MAP4K4: variants seen among roughly 807,000 people sequenced by gnomAD.
The protein encoded by MAP4K4 is HPK/GCK-like kinase HGK.
A neutral mutation model predicts 189.6 loss-of-function variants in MAP4K4; 38 were observed. That is an observed-to-expected ratio of 0.20 (90% confidence interval 0.15 to 0.26). The LOEUF (loss-of-function observed/expected upper bound fraction) is 0.26, where lower values mean the gene tolerates loss of function less well. Ranked by LOEUF, MAP4K4 falls within the 10% of genes least tolerant of loss-of-function variation. MAP4K4 has a pLI of 1.00. For synonymous variants in MAP4K4, 610 were observed against 624.3 expected (o/e 0.98, Z 0.34); for missense variants, 1,054 against 1,726.9 (o/e 0.61, Z 6.91).
chr2:101,792,365 ACCTGTGCTGCCTCCCCT>A (rs2093020992), intron 3 of MAP4K4, among the ~76,000 whole-genome samples: 1 of 152,084 alleles, frequency 6.6e-6, no homozygotes, highest in South Asian at 2.1e-4. Context: ...GTGTCATTCA[ACCTGTGCTGCCTCCCCT>A]GACACAGCTG....
At chr2:101,719,889 G>A (rs2050713711) in intron 2 of MAP4K4, among the ~76,000 whole-genome samples, 1 of 152,002 alleles carries the variant, frequency 6.6e-6, no homozygotes, top group African/African-American at 2.4e-5. Context: ...GCGGGCGCCT[G>A]TAGTCCCAGC....
At chr2:101,703,137 G>A (rs755118700) in intron 2 of MAP4K4, among the ~76,000 whole-genome samples, 10 of 152,150 alleles carry the variant, frequency 6.6e-5, no homozygotes, top group Non-Finnish European at 1.3e-4. Flanking sequence ...GTGTTGGGAA[G>A]GAGCTGGTAA....
chr2:101,794,522 C>T (rs1378634404), intron 3 of MAP4K4, among the ~76,000 whole-genome samples: 1 of 152,174 alleles, frequency 6.6e-6, no homozygotes, highest in Non-Finnish European at 1.5e-5. Flanking sequence ...TTATATTCAA[C>T]ATTTGTTAAC....
intron 2 of MAP4K4, among the ~76,000 whole-genome samples, chr2:101,770,649 G>A (rs1425601083): frequency 1.3e-5 from 2 of 152,164 alleles, no homozygotes; most frequent in Non-Finnish European, 2.9e-5. Flanking sequence ...AATATGACTG[G>A]CAATGGCTTG....
At chr2:101,875,288 A>T (rs916055401) in intron 26 of MAP4K4, among the ~76,000 whole-genome samples, 7 of 152,230 alleles carry the variant, frequency 4.6e-5, no homozygotes, top group African/African-American at 1.7e-4. Context: ...CCTCAAGAAT[A>T]AAATTATATG....
chr2:101,699,328 A>T (rs889815450), intron 2 of MAP4K4, among the ~76,000 whole-genome samples: 1 of 152,224 alleles, frequency 6.6e-6, no homozygotes, highest in African/African-American at 2.4e-5. Context: ...TGCGCTGAGT[A>T]GCTGACACCT....
At chr2:101,877,399 C>A (rs1378001972) in intron 27 of MAP4K4, among the ~76,000 whole-genome samples, 1 of 152,090 alleles carries the variant, frequency 6.6e-6, no homozygotes, top group Non-Finnish European at 1.5e-5. Flanking sequence ...CTCTCACTGC[C>A]CTCTCTGCCC....
intron 3 of MAP4K4, among the ~76,000 whole-genome samples, chr2:101,819,922 C>T (rs1344827320): frequency 6.6e-6 from 1 of 152,202 alleles, no homozygotes; most frequent in Non-Finnish European, 1.5e-5. Flanking sequence ...CAGTGAAATA[C>T]ATGGTGCCAT....
At chr2:101,828,674 T>C (rs1467549451) in intron 5 of MAP4K4, among the ~76,000 whole-genome samples, 1 of 152,244 alleles carries the variant, frequency 6.6e-6, no homozygotes, top group African/African-American at 2.4e-5. Context: ...CCCTTACTTA[T>C]AATCTGCCCT....
At chr2:101,750,664 A>AT (rs1038624231) in intron 2 of MAP4K4, among the ~76,000 whole-genome samples, 20 of 145,406 alleles carry the variant, frequency 1.4e-4, no homozygotes, top group African/African-American at 3.5e-4. Flanking sequence ...GTATATATAT[A>AT]AAAAAAAAAA....
intron 5 of MAP4K4, 29 bp from the exon 6 acceptor site, chr2:101,829,475 T>C: frequency 6.6e-7 from 1 of 1,524,410 alleles, no homozygotes; most frequent in Middle Eastern, 1.7e-4. Flanking sequence ...CACAGAAAAC[T>C]AAAATTCAGG....
intron 3 of MAP4K4, among the ~76,000 whole-genome samples, chr2:101,814,030 A>G (rs1178063290): frequency 6.6e-6 from 1 of 152,218 alleles, no homozygotes; most frequent in Admixed American, 6.5e-5. Flanking sequence ...ATTGAAAAGT[A>G]GGGAGGTGAT....
intron 2 of MAP4K4, among the ~76,000 whole-genome samples, chr2:101,716,216 G>A (rs1164405548): frequency 5.9e-5 from 9 of 152,204 alleles, no homozygotes; most frequent in Non-Finnish European, 1.0e-4. Flanking sequence ...GGCCGAGGTG[G>A]GCGGATCACG....
At chr2:101,771,600 C>T (rs1008621229) in intron 2 of MAP4K4, among the ~76,000 whole-genome samples, 15 of 152,132 alleles carry the variant, frequency 9.9e-5, no homozygotes, top group African/African-American at 3.6e-4. Context: ...TCTTCCTAAC[C>T]CTCAACTTCC....
At chr2:101,750,211 A>G (rs866063960) in intron 2 of MAP4K4, among the ~76,000 whole-genome samples, 4 of 147,850 alleles carry the variant, frequency 2.7e-5, no homozygotes, top group South Asian at 4.4e-4. Flanking sequence ...ACATGCACAC[A>G]TATGTTTATT....
At chr2:101,892,767 A>T (rs897732314) in exon 33 of MAP4K4, 2 of 395,374 alleles carry the variant, frequency 5.1e-6, no homozygotes, top group Non-Finnish European at 1.0e-5. Context: ...CTTTATGAAT[A>T]TATTCATGAC....
intron 14 of MAP4K4, 52 bp downstream of exon 14, chr2:101,859,134 C>T (rs2097560272): frequency 6.5e-7 from 1 of 1,529,376 alleles, no homozygotes; most frequent in Non-Finnish European, 9.0e-7. Flanking sequence ...CTTCATCCGT[C>T]CCCAAAGTTG....
intron 2 of MAP4K4, among the ~76,000 whole-genome samples, chr2:101,713,740 CA>C (rs1489358344): frequency 6.8e-6 from 1 of 147,692 alleles, no homozygotes; most frequent in African/African-American, 2.5e-5. Context: ...ACTAAAAATA[CA>C]AAAATTAGAT....
chr2:101,853,241 A>G (rs764452126), intron 12 of MAP4K4, among the ~76,000 whole-genome samples: 1 of 152,228 alleles, frequency 6.6e-6, no homozygotes, highest in Non-Finnish European at 1.5e-5. Context: ...ACACTGAGAA[A>G]AATCTCTACC....
Sources: gnomAD v4.1 joint callset for allele counts (sites outside exome capture counted in the v4.1 genomes callset) on GRCh38, gnomAD v4.1.1 for gene constraint, MANE v1.5 for transcripts, NCBI Gene and HGNC (gene_info 2026-07-23, HGNC 2026-07-21) for gene names.